The following DNAH7 variants were observed in gnomAD, a reference collection of about 807,000 sequenced individuals.
The protein encoded by DNAH7 is axonemal beta dynein heavy chain 7.
In DNAH7, 397 loss-of-function variants were observed where a neutral mutation model predicts 444.6. The observed-to-expected ratio is 0.89, with a 90% CI of 0.82 to 0.97. DNAH7 has a LOEUF of 0.97. Among genes scored for constraint, DNAH7 ranks in the 50% least tolerant of loss-of-function variants. DNAH7 has a pLI of 0.00. For synonymous variants in DNAH7, 1,636 were observed against 1,624.4 expected (o/e 1.01, Z -0.17); for missense variants, 4,902 against 4,800.8 (o/e 1.02, Z -0.62).
intron 29 of DNAH7, among the ~76,000 whole-genome samples, chr2:195,895,879 G>C (rs986070548): frequency 1.3e-5 from 2 of 152,090 alleles, no homozygotes; most frequent in African/African-American, 4.8e-5. Flanking sequence ...TGTCACAGCA[G>C]GTATCAATAG....
intron 5 of DNAH7, among the ~76,000 whole-genome samples, chr2:196,037,689 G>C (rs1387978321): frequency 1.3e-5 from 2 of 152,094 alleles, no homozygotes; most frequent in South Asian, 2.1e-4. Context: ...AAATAACCCA[G>C]TGAGACAATA....
intron 35 of DNAH7, 34 bp downstream of exon 35, chr2:195,884,551 C>T (rs1701597590): frequency 1.3e-6 from 2 of 1,540,980 alleles, no homozygotes; most frequent in Non-Finnish European, 1.8e-6. Flanking sequence ...CTCTGCCAGG[C>T]TGGCAGCTGC....
intron 12 of DNAH7, among the ~76,000 whole-genome samples, chr2:195,998,346 G>A (rs1047133998): frequency 5.9e-5 from 9 of 152,074 alleles, no homozygotes; most frequent in African/African-American, 1.7e-4. Flanking sequence ...AGGCAGAGGT[G>A]GGCGGATCAC....
chr2:195,969,178 G>A lies in DNAH7; in HGVS notation c.2205+770C>T, dbSNP rs1691678687. Among the ~76,000 whole-genome samples the A allele has an allele frequency of 1.3e-5, 2 of 152,208 alleles. 1 individual carries two copies. The highest frequency in any genetic ancestry group is 4.1e-4 in the South Asian group (2 of 4,828). On this transcript the variant is annotated intron_variant, in intron 17 of 64. Coordinates refer to ENST00000312428, the MANE Select transcript of DNAH7 (RefSeq NM_018897.3). ...AACTTGGTTTCCTGTGGGTGGTGGG[G>A]GGAGCAATCAGTGGAGGCTTCTATT...
At chr2:195,818,504 G>A (rs111261986) in intron 49 of DNAH7, among the ~76,000 whole-genome samples, 202 of 152,208 alleles carry the variant, frequency 1.3e-3, no homozygotes, top group African/African-American at 4.8e-3. Context: ...ATGCAAACAT[G>A]CTGAGGACTC....
chr2:195,749,998 T>C (rs572863748), intron 63 of DNAH7, among the ~76,000 whole-genome samples: 1 of 151,548 alleles, frequency 6.6e-6, no homozygotes, highest in Non-Finnish European at 1.5e-5. Flanking sequence ...TAAAATAAAA[T>C]AAAATAAAGA....
intron 1 of DNAH7, among the ~76,000 whole-genome samples, chr2:196,064,573 T>G (rs1033917687): frequency 6.6e-6 from 1 of 152,200 alleles, no homozygotes; most frequent in African/African-American, 2.4e-5. Flanking sequence ...TTTGCCATCC[T>G]GGAATTTTGT....
chr2:195,980,579 C>A (rs77607179), intron 15 of DNAH7, among the ~76,000 whole-genome samples: 1 of 152,268 alleles, frequency 6.6e-6, no homozygotes, highest in East Asian at 1.9e-4. Context: ...AAGATAATAT[C>A]TCTGATGAAT....
intron 61 of DNAH7, among the ~76,000 whole-genome samples, chr2:195,769,488 T>G (rs1445909434): frequency 6.6e-6 from 1 of 152,038 alleles, no homozygotes; most frequent in East Asian, 1.9e-4. Flanking sequence ...CAAAACAACC[T>G]TGACATTAAA....
chr2:195,983,914 G>A (rs897839624), intron 15 of DNAH7, among the ~76,000 whole-genome samples: 13 of 152,176 alleles, frequency 8.5e-5, no homozygotes, highest in Admixed American at 1.3e-4. Flanking sequence ...GTTTGTTCCT[G>A]TTAGCATGGC....
chr2:195,845,344 C>G (rs563266215), intron 46 of DNAH7, among the ~76,000 whole-genome samples, 179 bp from the exon 47 acceptor site: 3 of 152,172 alleles, frequency 2.0e-5, no homozygotes, highest in African/African-American at 7.2e-5. Flanking sequence ...TTGAGAAGGT[C>G]AGCTATGTAC....
rs1268766510 is a variant in DNAH7, at chr2:195,980,153, T to C, written c.1833+4479A>G. Among the ~76,000 whole-genome samples, 5 of 149,222 alleles carry C rather than the reference T, an allele frequency of 3.4e-5. No homozygotes were observed. The South Asian group carries it at 8.6e-4, about 26-fold the overall frequency. ...ATCTCATCTTGAATTGTAGCTCCCA[T>C]AATCGCCATGTGTCATGGGAGGGAC... On this transcript the variant is annotated intron_variant, in intron 15 of 64. Coordinates refer to ENST00000312428, the MANE Select transcript of DNAH7 (RefSeq NM_018897.3).
Position 195,858,741 on chromosome 2 carries a change from A to G in DNAH7, c.7800T>C (p.Ser2600=), listed in dbSNP as rs1699860323. Residue 2600 remains serine (S), a synonymous_variant, in exon 43 of 65, where the codon TCT becomes TCC. Transcript: ENST00000312428. Reference sequence around the variant, plus strand: ...ACTCCATCTGCATTGTGGCTACTTGAGATGAAGCAGAATCCAGTTTCTCCA... The same window carrying G: ...ACTCCATCTGCATTGTGGCTACTTGGGATGAAGCAGAATCCAGTTTCTCCA... ...VGLEKLDSAS[S]QVATMQMELE... 6.2e-7 allele frequency: 1 copy of G among 1,613,758 alleles called. No homozygotes were observed. Among genetic ancestry groups the G allele is most frequent in the Non-Finnish European group, 8.5e-7 (1 of 1,179,878 alleles).
chr2:195,863,056 C>T (rs1045317405), intron 41 of DNAH7, among the ~76,000 whole-genome samples: 1 of 152,094 alleles, frequency 6.6e-6, no homozygotes, highest in African/African-American at 2.4e-5. Context: ...AACACAACAA[C>T]AAAGCATTTA....
chr2:195,846,396 A>G (rs1249355049), intron 46 of DNAH7, among the ~76,000 whole-genome samples: 1 of 152,214 alleles, frequency 6.6e-6, no homozygotes, highest in African/African-American at 2.4e-5. Context: ...GGGACTGCTT[A>G]TACACAGCTG....
intron 46 of DNAH7, among the ~76,000 whole-genome samples, chr2:195,852,544 T>TG (rs1404135134): frequency 6.6e-6 from 1 of 152,198 alleles, no homozygotes; most frequent in East Asian, 1.9e-4. Flanking sequence ...TTGCCTGCTT[T>TG]GATAGGGCCA....
intron 12 of DNAH7, among the ~76,000 whole-genome samples, chr2:195,998,169 T>C (rs1236806701): frequency 6.6e-6 from 1 of 152,198 alleles, no homozygotes; most frequent in African/African-American, 2.4e-5. Flanking sequence ...GAAGTTTCAA[T>C]TAACTGTTCT....
Position 195,984,704 on chromosome 2 carries a change from G to C in DNAH7, c.1761C>G (p.Cys587Trp). 2.5e-6 allele frequency: 4 copies of C among 1,613,420 alleles called. No individual in the cohort carries two copies. The highest frequency in any genetic ancestry group is 3.4e-6 in the Non-Finnish European group (4 of 1,179,668). Reference protein sequence around the residue: ...RDHQEVNTRLCDEFERIAEKA... With the variant: ...RDHQEVNTRLWDEFERIAEKA... ...TTTCAGCTATCCTCTCAAATTCATC[G>C]CATAATCTGAAACACCAAGTAAAAC... The change falls in exon 15 of 65, where the codon TGC becomes TGG. Residue 587 changes from cysteine to tryptophan, a missense_variant. Cys to Trp is a radical substitution (Grantham distance 215). Coordinates refer to ENST00000312428, the MANE Select transcript of DNAH7 (RefSeq NM_018897.3).
intron 47 of DNAH7, among the ~76,000 whole-genome samples, chr2:195,841,375 C>T (rs1698674620): frequency 6.6e-6 from 1 of 151,788 alleles, no homozygotes; most frequent in African/African-American, 2.4e-5. Context: ...TCCCAGACAA[C>T]AGTCTTAATG....
Sources: allele counts gnomAD v4.1 joint callset (sites outside exome capture counted in the v4.1 genomes callset), GRCh38; gene constraint gnomAD v4.1.1; transcripts MANE v1.5; gene names NCBI Gene and HGNC (gene_info 2026-07-23, HGNC 2026-07-21).